Variants in PIAS2 observed in about 807,000 individuals in gnomAD.
The protein encoded by PIAS2 is protein inhibitor of activated STAT 2, also known as E3 SUMO-protein ligase PIAS2.
Under a neutral mutation model 69.7 loss-of-function variants are expected in PIAS2, and 19 were observed. That is an observed-to-expected ratio of 0.27 (90% confidence interval 0.19 to 0.40). PIAS2 has a LOEUF of 0.40. PIAS2 is among the 10% of genes least tolerant of loss of function. The pLI, the probability that PIAS2 is intolerant of heterozygous loss-of-function variation, is 1.00. For synonymous variants in PIAS2, 261 were observed against 263.2 expected (o/e 0.99, Z 0.08); for missense variants, 624 against 757.0 (o/e 0.82, Z 2.06).
At chr18:46,823,383 G>A (rs1218248532) in intron 11 of PIAS2, among the ~76,000 whole-genome samples, 1 of 151,156 alleles carries the variant, frequency 6.6e-6, no homozygotes, top group Non-Finnish European at 1.5e-5. Context: ...ATTTTCTTTT[G>A]TTTTGATCCT....
chr18:46,851,399 GA>G (rs1333590809), intron 5 of PIAS2, among the ~76,000 whole-genome samples: 1 of 152,182 alleles, frequency 6.6e-6, no homozygotes, highest in African/African-American at 2.4e-5. Flanking sequence ...AAATTGTTTA[GA>G]AGAAAAATAA....
At chr18:46,907,933 ATC>A (rs2056819869) in intron 1 of PIAS2, 2 of 152,096 alleles carry the variant, frequency 1.3e-5, no homozygotes, top group South Asian at 4.1e-4. Flanking sequence ...GGCAATACTA[ATC>A]TGTTAAAGTT....
intron 2 of PIAS2, among the ~76,000 whole-genome samples, chr18:46,865,103 T>A (rs953767726): frequency 6.6e-6 from 1 of 152,196 alleles, no homozygotes; most frequent in Non-Finnish European, 1.5e-5. Context: ...CTGAAATGTA[T>A]TTATGACTTC....
At chr18:46,905,292 C>T (rs977032341) in intron 1 of PIAS2, among the ~76,000 whole-genome samples, 7 of 152,044 alleles carry the variant, frequency 4.6e-5, no homozygotes, top group African/African-American at 1.7e-4. Flanking sequence ...AAAGAATTCA[C>T]AACGGAAAAT....
In PIAS2 at chr18:46,809,739, G is replaced by A. The variant is rs961658260; in HGVS notation, c.*2694C>T. The A allele has an allele frequency of 5.4e-4, 75 of 139,886 alleles. No homozygotes were observed. The highest frequency in any genetic ancestry group is 2.0e-3 in the African/African-American group (74 of 37,224). The allele number at this position is 139,886 out of a possible 1,614,324, so 8.7% of individuals were successfully genotyped here. On this transcript the variant is annotated 3_prime_UTR_variant, in exon 14 of 14. Transcript: ENST00000585916. The stretch of plus-strand genomic sequence containing the variant: ...CATTGCACTCCATCCCGGGCAACAA[G>A]AGCAAGACTCAGCCTCAAAAAAAAA...
At chr18:46,828,209 C>T in intron 10 of PIAS2, 79 bp from the exon 11 acceptor site, 1 of 1,270,392 alleles carries the variant, frequency 7.9e-7, no homozygotes, top group African/African-American at 1.5e-5. Flanking sequence ...CTAGTATATT[C>T]AGTATAGTAT....
intron 3 of PIAS2, among the ~76,000 whole-genome samples, chr18:46,860,959 C>T (rs2048568431): frequency 6.6e-6 from 1 of 152,084 alleles, no homozygotes; most frequent in Non-Finnish European, 1.5e-5. Context: ...GCCTGGGCAA[C>T]AGAGCAAGAC....
intron 12 of PIAS2, among the ~76,000 whole-genome samples, chr18:46,819,844 G>C (rs1386924552): frequency 1.3e-5 from 2 of 152,052 alleles, no homozygotes; most frequent in East Asian, 3.9e-4. Flanking sequence ...AGTAAAGGAG[G>C]GAAGTTTAAA....
intron 11 of PIAS2, among the ~76,000 whole-genome samples, chr18:46,826,264 T>C (rs2042837209): frequency 6.6e-6 from 1 of 152,236 alleles, no homozygotes; most frequent in African/African-American, 2.4e-5. Context: ...CTTATTCCTC[T>C]GCATACTGAG....
At chr18:46,866,019 T>C (rs891784503) in intron 2 of PIAS2, among the ~76,000 whole-genome samples, 4 of 152,236 alleles carry the variant, frequency 2.6e-5, no homozygotes, top group African/African-American at 9.6e-5. Flanking sequence ...CAAGTAAACA[T>C]GCTGCATTTT....
At chr18:46,817,281 TGAA>T in intron 12 of PIAS2, 2 of 985,064 alleles carry the variant, frequency 2.0e-6, no homozygotes, top group Non-Finnish European at 1.2e-6. Context: ...TATTGTGTAC[TGAA>T]GCCAAGCCAC....
In PIAS2 at chr18:46,809,648, G is replaced by C. The variant is rs76502664; in HGVS notation, c.*2785C>G. 1 of 152,120 alleles carries C rather than the reference G, an allele frequency of 6.6e-6. No homozygotes were observed. Among genetic ancestry groups the C allele is most frequent in the East Asian group, 1.9e-4 (1 of 5,182 alleles). 9.4% of individuals were successfully genotyped at this position (152,120 alleles called of 1,614,324 possible). ...TACATGCCTGTAATCCCAGCTACTCGGGAGGCTGAGGCAGGAGAATCGCTT... is the reference window on the plus strand; with the variant it reads ...TACATGCCTGTAATCCCAGCTACTCCGGAGGCTGAGGCAGGAGAATCGCTT... On this transcript the variant is annotated 3_prime_UTR_variant, in exon 14 of 14. Transcript: ENST00000585916.
chr18:46,855,643 A>T, intron 3 of PIAS2, 28 bp from the exon 4 acceptor site: 4 of 1,550,974 alleles, frequency 2.6e-6, no homozygotes, highest in Non-Finnish European at 2.7e-6. Flanking sequence ...AAAATGGGTT[A>T]AAAAAGTACA....
chr18:46,914,544 C>T (rs978791375), intron 1 of PIAS2, among the ~76,000 whole-genome samples: 11 of 151,836 alleles, frequency 7.2e-5, no homozygotes, highest in African/African-American at 2.4e-5. Context: ...GTTGCCTAAT[C>T]GAATAACCAA....
rs869187746 is a variant in PIAS2 at position 46,806,353 on chromosome 18, C to CTTTTTTTTTTTTTTTTTTTTTT, written c.*6058_*6079dup. The CTTTTTTTTTTTTTTTTTTTTTT allele has an allele frequency of 1.2e-4, 7 of 60,174 alleles. 1 individual carries two copies. The highest frequency in any genetic ancestry group is 1.1e-3 in the South Asian group (1 of 910). 3.7% of individuals were successfully genotyped at this position (60,174 alleles called of 1,614,324 possible). Reference sequence around the variant, plus strand: ...AAAATTCTTTGCACAATGCCTGTTACTTTTTTTTTTTTTTTTTTTTTTTTT... The same window carrying CTTTTTTTTTTTTTTTTTTTTTT: ...AAAATTCTTTGCACAATGCCTGTTACTTTTTTTTTTTTTTTTTTTTTTTTTTTTTTTTTTTTTTTTTTTTTTT... On this transcript the variant is annotated 3_prime_UTR_variant, in exon 14 of 14. Transcript: ENST00000585916.
chr18:46,860,878 G>A (rs2048555232), intron 3 of PIAS2, among the ~76,000 whole-genome samples: 1 of 152,166 alleles, frequency 6.6e-6, no homozygotes, highest in Non-Finnish European at 1.5e-5. Context: ...TTGTGGGGCT[G>A]AGATGGGAGG....
At chr18:46,902,115 T>G (rs1169418507) in intron 1 of PIAS2, among the ~76,000 whole-genome samples, 1 of 151,268 alleles carries the variant, frequency 6.6e-6, no homozygotes, top group African/African-American at 2.4e-5. Flanking sequence ...CTTTATACAC[T>G]AAAAATGAAC....
intron 1 of PIAS2, among the ~76,000 whole-genome samples, chr18:46,904,364 T>C (rs1165298166): frequency 6.6e-6 from 1 of 152,200 alleles, no homozygotes; most frequent in Admixed American, 6.5e-5. Context: ...AATGGTATTA[T>C]ATTTGAAAGA....
intron 2 of PIAS2, among the ~76,000 whole-genome samples, chr18:46,882,839 T>C (rs2052503129): frequency 6.6e-6 from 1 of 152,110 alleles, no homozygotes; most frequent in South Asian, 2.1e-4. Flanking sequence ...ACAAACAGAA[T>C]AGTGCCCCCA....
Sources: gnomAD v4.1 joint callset for allele counts (sites outside exome capture counted in the v4.1 genomes callset) on GRCh38, gnomAD v4.1.1 for gene constraint, MANE v1.5 for transcripts, NCBI Gene and HGNC (gene_info 2026-07-23, HGNC 2026-07-21) for gene names.